ACMSD: variants seen among roughly 807,000 people sequenced by gnomAD.
ACMSD encodes 2-amino-3-carboxymuconate-6-semialdehyde decarboxylase.
ACMSD carries 37 observed loss-of-function variants against 45.9 expected under a neutral mutation model. The observed-to-expected ratio is 0.81, with a 90% CI of 0.62 to 1.06. The LOEUF is 1.06. ACMSD is among the 50% of genes least tolerant of loss of function. The probability of loss-of-function intolerance (pLI) is 0.00; values close to 1 mark genes in which losing one functional copy is unlikely to be tolerated. For missense variants in ACMSD, 434 were observed against 420.9 expected (o/e 1.03, Z -0.27); for synonymous variants, 138 against 148.8 (o/e 0.93, Z 0.53).
chr2:134,901,501 T>C (rs1449607832), intron 9 of ACMSD, among the ~76,000 whole-genome samples: 2 of 152,192 alleles, frequency 1.3e-5, no homozygotes, highest in Non-Finnish European at 2.9e-5. Context: ...TGCCCCCAAA[T>C]GGTCCTTAAG....
In ACMSD at chr2:134,877,208, T is replaced by C. The variant is rs75547270; in HGVS notation, c.849+4567T>C. On this transcript the variant is annotated intron_variant, in intron 8 of 9. Transcript: ENST00000356140. Reference sequence around the variant, plus strand: ...CACATTATGATGGCTATAATATCACTAAGCAATAGAAACTTTTCAGCTCCA... The same window carrying C: ...CACATTATGATGGCTATAATATCACCAAGCAATAGAAACTTTTCAGCTCCA... 4.8e-3 allele frequency among the ~76,000 whole-genome samples: 732 copies of C among 152,308 alleles called. 10 individuals are homozygous for C. Among genetic ancestry groups the C allele is most frequent in the African/African-American group, 0.016 (679 of 41,562 alleles).
chr2:134,853,149 C>CGA (rs1687425211), intron 2 of ACMSD, among the ~76,000 whole-genome samples: 2 of 129,956 alleles, frequency 1.5e-5, no homozygotes, highest in South Asian at 4.9e-4. Context: ...GGGAACAGAG[C>CGA]GAGACTCCAT....
chr2:134,885,294 T>TATATATTATATATA (rs1559064708), intron 8 of ACMSD, among the ~76,000 whole-genome samples: 1 of 91,054 alleles, frequency 1.1e-5, no homozygotes, highest in African/African-American at 4.4e-5. Flanking sequence ...ATTATATTTA[T>TATATATTATATATA]ATATATATTT....
chr2:134,886,731 A>G (rs1689482786), intron 8 of ACMSD, among the ~76,000 whole-genome samples: 1 of 152,186 alleles, frequency 6.6e-6, no homozygotes, highest in South Asian at 2.1e-4. Flanking sequence ...TCAACAATGC[A>G]CTGGCAATCC....
At chr2:134,889,328 C>T (rs138848689) in intron 8 of ACMSD, among the ~76,000 whole-genome samples, 225 of 152,202 alleles carry the variant, frequency 1.5e-3, no homozygotes, top group African/African-American at 5.2e-3. Context: ...ACTTACAGCG[C>T]CCAGATCTTG....
chr2:134,879,227 G>A (rs922977228), intron 8 of ACMSD, among the ~76,000 whole-genome samples: 1 of 152,086 alleles, frequency 6.6e-6, no homozygotes, highest in Non-Finnish European at 1.5e-5. Context: ...TGACAGCATT[G>A]CTAAATTTTT....
At chr2:134,893,064 G>T (rs1443711851) in intron 8 of ACMSD, among the ~76,000 whole-genome samples, 1 of 152,080 alleles carries the variant, frequency 6.6e-6, no homozygotes, top group African/African-American at 2.4e-5. Context: ...GAATGCATTT[G>T]ATTTTTTCTT....
chr2:134,860,856 C>CAAAAA (rs60233157), intron 3 of ACMSD, among the ~76,000 whole-genome samples: 4,063 of 72,226 alleles, frequency 0.056, 310 homozygotes, highest in East Asian at 0.21. Context: ...CCTGTCTCCA[C>CAAAAA]AAAAAAAAAA....
chr2:134,845,031 T>A (rs6430545), intron 1 of ACMSD, among the ~76,000 whole-genome samples: 89,714 of 152,110 alleles, frequency 0.59, 28,252 homozygotes, highest in Middle Eastern at 0.91. Context: ...GAGATAACAG[T>A]ATTTTCTTCT....
chr2:134,880,710 CTTTT>C (rs1444200765), intron 8 of ACMSD, among the ~76,000 whole-genome samples: 3 of 151,836 alleles, frequency 2.0e-5, no homozygotes, highest in Non-Finnish European at 4.4e-5. Flanking sequence ...CTCCAGGTGG[CTTTT>C]TTGTCTGTTT....
intron 6 of ACMSD, chr2:134,868,884 G>T (rs932080224): frequency 6.6e-6 from 1 of 152,166 alleles, no homozygotes; most frequent in East Asian, 1.9e-4. Flanking sequence ...GTCAAAAACC[G>T]GGATTTTAGT....
intron 8 of ACMSD, among the ~76,000 whole-genome samples, chr2:134,885,121 C>T (rs990873789): frequency 1.3e-4 from 20 of 148,804 alleles, no homozygotes; most frequent in African/African-American, 3.0e-4. Context: ...ACTTGAGCCT[C>T]GGAGGCAGAA....
chr2:134,841,308 C>T (rs900021077), intron 1 of ACMSD, among the ~76,000 whole-genome samples: 1 of 152,170 alleles, frequency 6.6e-6, no homozygotes, highest in African/African-American at 2.4e-5. Flanking sequence ...CCCACCACCA[C>T]ACCCATCTTG....
chr2:134,847,451 T>TATAGATAG (rs1559039353), intron 2 of ACMSD, among the ~76,000 whole-genome samples: 10 of 143,980 alleles, frequency 6.9e-5, no homozygotes, highest in African/African-American at 1.0e-4. Context: ...TAGATAGATA[T>TATAGATAG]AGATAGAGAT....
At chr2:134,889,079 C>A (rs577190051) in intron 8 of ACMSD, among the ~76,000 whole-genome samples, 45 of 152,264 alleles carry the variant, frequency 3.0e-4, no homozygotes, top group African/African-American at 9.4e-4. Context: ...TCTGAAAATA[C>A]TTCATGTGCA....
intron 8 of ACMSD, among the ~76,000 whole-genome samples, chr2:134,875,432 A>G (rs1439168039): frequency 6.6e-6 from 1 of 152,240 alleles, no homozygotes; most frequent in African/African-American, 2.4e-5. Context: ...GTCATATATA[A>G]AAAACCAAAA....
chr2:134,882,255 T>C (rs1261430767), intron 8 of ACMSD, among the ~76,000 whole-genome samples: 1 of 152,182 alleles, frequency 6.6e-6, no homozygotes, highest in African/African-American at 2.4e-5. Context: ...CTCAATAGAG[T>C]AAAAATACTT....
At chr2:134,881,696 C>T (rs1350780867) in intron 8 of ACMSD, among the ~76,000 whole-genome samples, 1 of 152,194 alleles carries the variant, frequency 6.6e-6, no homozygotes, top group Non-Finnish European at 1.5e-5. Flanking sequence ...ATATTTCCAA[C>T]ATGGCTTAAA....
chr2:134,862,082 G>C, intron 4 of ACMSD, 64 bp downstream of exon 4: 1 of 1,581,158 alleles, frequency 6.3e-7, no homozygotes, highest in Non-Finnish European at 8.7e-7. Flanking sequence ...CCCAAAAAGT[G>C]AACAGATGCC....
Sources: allele counts gnomAD v4.1 joint callset (sites outside exome capture counted in the v4.1 genomes callset), GRCh38; gene constraint gnomAD v4.1.1; transcripts MANE v1.5; gene names NCBI Gene and HGNC (gene_info 2026-07-23, HGNC 2026-07-21).